BIVM: variants seen among roughly 807,000 people sequenced by gnomAD.
The protein encoded by BIVM is basic immunoglobulin-like variable motif-containing protein.
Under a neutral mutation model 61.4 loss-of-function variants are expected in BIVM, and 31 were observed. The observed-to-expected ratio is 0.51, with a 90% CI of 0.38 to 0.68. The LOEUF is 0.68. BIVM is among the 30% of genes least tolerant of loss of function. The pLI is 0.00. For missense variants in BIVM, 526 were observed against 596.0 expected, an observed-to-expected ratio of 0.88 and a Z score of 1.22; for synonymous variants, 189 against 210.7, an observed-to-expected ratio of 0.90 and a Z score of 0.89.
chr13:102,822,220 C>A, intron 7 of BIVM, 61 bp downstream of exon 7: 1 of 1,491,502 alleles, frequency 6.7e-7, no homozygotes, highest in South Asian at 1.2e-5. Context: ...CACACATACA[C>A]ACACACGGTT....
intron 3 of BIVM, among the ~76,000 whole-genome samples, chr13:102,811,818 C>T (rs1879518153): frequency 6.6e-6 from 1 of 152,238 alleles, no homozygotes; most frequent in Admixed American, 6.5e-5. Context: ...CCACCGTGCC[C>T]AGCCTTGCAA....
intron 3 of BIVM, among the ~76,000 whole-genome samples, chr13:102,815,319 C>A (rs1359691589): frequency 6.6e-6 from 1 of 151,830 alleles, no homozygotes; most frequent in Non-Finnish European, 1.5e-5. Context: ...GAAATATTAG[C>A]CTTCAGTTAA....
Position 102,807,333 on chromosome 13 carries a change from A to G in BIVM, c.66A>G (p.Arg22=), listed in dbSNP as rs1879172450. 6.2e-7 allele frequency: 1 copy of G among 1,614,068 alleles called. No homozygotes were observed. The highest frequency in any genetic ancestry group is 8.5e-7 in the Non-Finnish European group (1 of 1,180,008). The change falls in exon 3 of 11, where the codon AGA becomes AGG. Residue 22 remains arginine (R), a synonymous_variant. Transcript: ENST00000257336. This position sits in a 1 kb window ranked among gnomAD's most constrained non-coding sequence, Gnocchi z 4.0. The part of the protein sequence containing the change: ...DSGNGEHKSE[R]KSPEENLQGA... ...GAAATGGTGAGCACAAATCTGAGAG[A>G]AAGTCACCTGAAGAGAATCTACAAG...
chr13:102,827,457 AT>A (rs11367469), intron 7 of BIVM, among the ~76,000 whole-genome samples: 144,395 of 151,042 alleles, frequency 0.96, 69,334 homozygotes, highest in East Asian at 1. Flanking sequence ...CCTACTTTCA[AT>A]TTTTTTTTTC....
rs1880239046 is a variant in BIVM at position 102,821,027 on chromosome 13, G to T, written c.606-10G>T. 1 of 1,604,684 alleles carries T rather than the reference G, an allele frequency of 6.2e-7. No homozygotes were observed. Among genetic ancestry groups the T allele is most frequent in the Non-Finnish European group, 8.5e-7 (1 of 1,177,672 alleles). ...ATTCAAGTGAAGAAAACAGTCTTTT[G>T]TGTTCTCAGGTACTGCATAAGCCGA... is the stretch of plus-strand genomic sequence containing the variant. On this transcript the variant is annotated splice_polypyrimidine_tract_variant and intron_variant, in intron 4 of 10. Coordinates refer to ENST00000257336, the MANE Select transcript of BIVM (RefSeq NM_017693.4).
At chr13:102,801,820 C>T (rs1878771555) in intron 1 of BIVM, 1 of 152,252 alleles carries the variant, frequency 6.6e-6, no homozygotes, top group Non-Finnish European at 1.5e-5. Context: ...GTACTAGAGT[C>T]TGTACCGGGT....
chr13:102,828,114 C>G (rs909086991), intron 7 of BIVM, among the ~76,000 whole-genome samples: 1 of 152,248 alleles, frequency 6.6e-6, no homozygotes, highest in South Asian at 2.1e-4. Context: ...CCAGTGGGCT[C>G]TTAGTAACTG....
chr13:102,808,185 C>T (rs149642538), intron 3 of BIVM, among the ~76,000 whole-genome samples: 340 of 152,270 alleles, frequency 2.2e-3, no homozygotes, highest in African/African-American at 8.1e-3. Context: ...CCCAGCAAAG[C>T]CTCCATGTAC....
chr13:102,812,467 T>C (rs2139171053), intron 3 of BIVM, among the ~76,000 whole-genome samples: 1 of 152,316 alleles, frequency 6.6e-6, no homozygotes, highest in South Asian at 2.1e-4. Flanking sequence ...CAAATATTAT[T>C]TAATAATGCA....
At chr13:102,801,215 C>T (rs1160743735) in intron 1 of BIVM, among the ~76,000 whole-genome samples, 1 of 151,704 alleles carries the variant, frequency 6.6e-6, no homozygotes, top group African/African-American at 2.4e-5. Flanking sequence ...TTAGTTGAGC[C>T]TGAGGTCCTG....
intron 7 of BIVM, among the ~76,000 whole-genome samples, chr13:102,828,618 C>T (rs1286364034): frequency 6.6e-6 from 1 of 152,200 alleles, no homozygotes; most frequent in Non-Finnish European, 1.5e-5. Flanking sequence ...TGCTAACATA[C>T]CCCTTTCCTC....
intron 3 of BIVM, among the ~76,000 whole-genome samples, chr13:102,810,056 A>C (rs1319592865): frequency 6.6e-6 from 1 of 151,648 alleles, no homozygotes; most frequent in African/African-American, 2.4e-5. Context: ...TACAGGCGTG[A>C]GCCACCCCGC....
At chr13:102,834,184 A>G (rs909916539) in intron 8 of BIVM, among the ~76,000 whole-genome samples, 1 of 152,228 alleles carries the variant, frequency 6.6e-6, no homozygotes, top group Non-Finnish European at 1.5e-5. Flanking sequence ...AAATGCAGAT[A>G]GCATTCCAGG....
At chr13:102,803,660 A>G (rs1052990582) in intron 1 of BIVM, among the ~76,000 whole-genome samples, 1 of 152,080 alleles carries the variant, frequency 6.6e-6, no homozygotes, top group African/African-American at 2.4e-5. Context: ...TCTCGCCACC[A>G]AACTCACTCT....
Position 102,821,806 on chromosome 13 carries a change from T to C in BIVM, c.765T>C (p.Asp255=). ...TGGGCTTTCAACCTCCATTTGAAGATATTAGGTTTGGTCCTTTCACGGGGA... is the reference window on the plus strand; with the variant it reads ...TGGGCTTTCAACCTCCATTTGAAGACATTAGGTTTGGTCCTTTCACGGGGA... ...HILGFQPPFE[D]IRFGPFTGNT... The change falls in exon 6 of 11, where the codon GAT becomes GAC. Residue 255 remains aspartate, a synonymous_variant. Transcript: ENST00000257336. 2 of 1,614,094 alleles carry C rather than the reference T, an allele frequency of 1.2e-6. No individual in the cohort carries two copies. Among genetic ancestry groups the C allele is most frequent in the Admixed American group, 1.7e-5 (1 of 60,022 alleles).
At chr13:102,804,559 C>T (rs1407396221) in intron 1 of BIVM, among the ~76,000 whole-genome samples, 1 of 152,208 alleles carries the variant, frequency 6.6e-6, no homozygotes, top group East Asian at 1.9e-4. Flanking sequence ...GATCCACCCG[C>T]CTCGGCCTCC....
chr13:102,829,986 A>C (rs950981064), intron 7 of BIVM, among the ~76,000 whole-genome samples: 1 of 152,154 alleles, frequency 6.6e-6, no homozygotes, highest in Non-Finnish European at 1.5e-5. Context: ...CCTGTATTCT[A>C]TAAACTAGAT....
rs902373021 is a variant in BIVM at position 102,807,637 on chromosome 13, GAA to G, written c.373_374del (p.Asn125Ter). ...TACATCGGAAATTATCTACAATGAA[GAA>G]AATAGCTTGGAAAACTTATCCAACA... ...TSTSEIIYNE[E>X]NSLENLSNSL... On this transcript the variant is annotated frameshift_variant, in exon 3 of 11. Transcript: ENST00000257336. LOFTEE classifies it high-confidence loss of function. This position sits in a 1 kb window ranked among gnomAD's most constrained non-coding sequence, Gnocchi z 4.0. 17 of 1,614,002 alleles carry G rather than the reference GAA, an allele frequency of 1.1e-5. No homozygotes were observed. Among genetic ancestry groups the G allele is most frequent in the Non-Finnish European group, 1.4e-5 (17 of 1,180,038 alleles).
intron 4 of BIVM, 76 bp downstream of exon 4, chr13:102,816,630 A>G: frequency 8.0e-7 from 1 of 1,257,362 alleles, no homozygotes; most frequent in Non-Finnish European, 1.0e-6. Context: ...CAGTTTACAA[A>G]TTAATACATT....
Sources: gnomAD v4.1 joint callset for allele counts (sites outside exome capture counted in the v4.1 genomes callset) on GRCh38, gnomAD v4.1.1 for gene constraint, Gnocchi (gnomAD v3.1) non-coding constraint, MANE v1.5 for transcripts, NCBI Gene and HGNC (gene_info 2026-07-23, HGNC 2026-07-21) for gene names.